Variants in DAB1 observed in about 807,000 individuals in gnomAD.
The protein encoded by DAB1 is disabled homolog 1.
A neutral mutation model predicts 64.6 loss-of-function variants in DAB1; 15 were observed. That is an observed-to-expected ratio of 0.23 (90% CI 0.16 to 0.36). The LOEUF is 0.36. Among genes scored for constraint, DAB1 ranks in the 10% least tolerant of loss-of-function variants. The pLI, the probability that DAB1 is intolerant of heterozygous loss-of-function variation, is 1.00. For synonymous variants in DAB1, 235 were observed against 251.9 expected (o/e 0.93, Z 0.64); for missense variants, 596 against 706.7 (o/e 0.84, Z 1.78).
chr1:58,182,982 G>A (rs1656879061), intron 4 of DAB1, among the ~76,000 whole-genome samples: 1 of 151,856 alleles, frequency 6.6e-6, no homozygotes, highest in Non-Finnish European at 1.5e-5. Context: ...TATTGTTGTT[G>A]TTTTGTTCAG....
At chr1:58,269,718 A>G in intron 4 of DAB1, among the ~76,000 whole-genome samples, 1 of 65,936 alleles carries the variant, frequency 1.5e-5, no homozygotes, top group Non-Finnish European at 3.2e-5. Flanking sequence ...TGCCATTCTA[A>G]CTGGTGTGAG....
At chr1:57,141,703 C>A (rs1330746568) in intron 3 of DAB1, among the ~76,000 whole-genome samples, 1 of 152,144 alleles carries the variant, frequency 6.6e-6, no homozygotes, top group Non-Finnish European at 1.5e-5. Flanking sequence ...CCTTTGGAGA[C>A]CTCATCCTTT....
At chr1:57,282,425 T>G (rs1671989143) in intron 2 of DAB1, among the ~76,000 whole-genome samples, 2 of 152,016 alleles carry the variant, frequency 1.3e-5, no homozygotes, top group African/African-American at 4.8e-5. Context: ...TGTCCTGTGG[T>G]GTATGCTGCC....
rs546408598 is a variant in DAB1, at chr1:58,199,905, G to C, written n.310-49317C>G. ...GGACCCAAGTTTCTTCCAGGTTATG[G>C]CACTGTCCTCCTCTAAGCCCTAGAA... On this transcript the variant is annotated intron_variant and non_coding_transcript_variant, in intron 4 of 20. Coordinates refer to the DAB1 transcript ENST00000485760. 7.2e-5 allele frequency among the ~76,000 whole-genome samples: 11 copies of C among 152,240 alleles called. No individual in the cohort carries two copies. In the East Asian group the frequency reaches 2.1e-3, roughly 29 times the overall value.
intron 1 of DAB1, among the ~76,000 whole-genome samples, chr1:57,314,106 G>T (rs1415448024): frequency 6.6e-6 from 1 of 152,156 alleles, no homozygotes; most frequent in Non-Finnish European, 1.5e-5. Flanking sequence ...ACAGGATTCT[G>T]CATCTTTTGG....
chr1:57,324,223 A>G (rs911944415), intron 1 of DAB1, among the ~76,000 whole-genome samples: 4 of 152,220 alleles, frequency 2.6e-5, no homozygotes, highest in African/African-American at 9.6e-5. Flanking sequence ...AAGTGAACCA[A>G]TCTAAACTTT....
chr1:58,355,906 C>G (rs1644106570), intron 3 of DAB1, among the ~76,000 whole-genome samples: 1 of 152,164 alleles, frequency 6.6e-6, no homozygotes, highest in South Asian at 2.1e-4. Flanking sequence ...AGACAGCACA[C>G]CTGAAAAAAG....
intron 3 of DAB1, among the ~76,000 whole-genome samples, chr1:58,407,070 T>C (rs1422902369): frequency 6.6e-6 from 1 of 152,214 alleles, no homozygotes; most frequent in Non-Finnish European, 1.5e-5. Context: ...AATCCATTCA[T>C]GCCTGTATGA....
At chr1:57,073,182 G>A (rs1402144165) in intron 4 of DAB1, among the ~76,000 whole-genome samples, 1 of 152,162 alleles carries the variant, frequency 6.6e-6, no homozygotes, top group African/African-American at 2.4e-5. Context: ...TAATGACACT[G>A]AACTGATGAA....
intron 5 of DAB1, among the ~76,000 whole-genome samples, chr1:58,075,708 A>C (rs1217907878): frequency 6.6e-6 from 1 of 152,182 alleles, no homozygotes; most frequent in Non-Finnish European, 1.5e-5. Context: ...CTGGGCTTCA[A>C]GAATGTACTA....
At chr1:58,024,323 A>G (rs1646857136) in intron 5 of DAB1, among the ~76,000 whole-genome samples, 1 of 152,150 alleles carries the variant, frequency 6.6e-6, no homozygotes, top group Non-Finnish European at 1.5e-5. Context: ...GGCCTGAGTC[A>G]TCTACACTGT....
intron 9 of DAB1, among the ~76,000 whole-genome samples, chr1:57,062,497 TG>T (rs1028690716): frequency 6.6e-6 from 1 of 152,082 alleles, no homozygotes; most frequent in Non-Finnish European, 1.5e-5. Context: ...AGTGAGAAAA[TG>T]GATATTGGAT....
chr1:57,487,852 G>A (rs534522753), intron 7 of DAB1, among the ~76,000 whole-genome samples: 19 of 152,224 alleles, frequency 1.2e-4, no homozygotes, highest in South Asian at 6.2e-4. Context: ...ACTTTTTAAC[G>A]CTGACTAATA....
intron 2 of DAB1, among the ~76,000 whole-genome samples, chr1:57,227,079 G>T (rs1030836262): frequency 2.0e-5 from 3 of 152,194 alleles, no homozygotes; most frequent in South Asian, 2.1e-4. Flanking sequence ...GGAGGCAAAG[G>T]GGGGAGGATC....
At chr1:57,148,855 C>T (rs1375664990) in intron 2 of DAB1, among the ~76,000 whole-genome samples, 2 of 152,192 alleles carry the variant, frequency 1.3e-5, no homozygotes, top group Non-Finnish European at 2.9e-5. Flanking sequence ...TGAGATACAA[C>T]TCACATACTG....
intron 14 of DAB1, among the ~76,000 whole-genome samples, chr1:57,007,044 C>T (rs990365881): frequency 1.3e-5 from 2 of 151,648 alleles, no homozygotes; most frequent in African/African-American, 4.9e-5. Context: ...CTCTCTCTTC[C>T]TCTCTCACTC....
intron 4 of DAB1, among the ~76,000 whole-genome samples, chr1:58,224,799 C>G (rs1659372460): frequency 6.6e-6 from 1 of 151,900 alleles, no homozygotes; most frequent in Admixed American, 6.6e-5. Context: ...ACACCTTACA[C>G]AAAAATTAAT....
chr1:57,862,783 A>G (rs1230790438), intron 1 of DAB1: 1 of 152,178 alleles, frequency 6.6e-6, no homozygotes, highest in Non-Finnish European at 1.5e-5. Flanking sequence ...CAGACTAACC[A>G]GGTGTTGGCA....
rs765434612 is a variant in DAB1 at position 57,062,981 on chromosome 1, TG to T, written c.664-39del. On this transcript the variant is annotated intron_variant, in intron 8 of 14. Coordinates refer to ENST00000371236, the MANE Select transcript of DAB1 (RefSeq NM_001365792.1). ...TAAATTCAGCACAGTCAAAACACTC[TG>T]GTACTCCAATTTCAAAGAACAAAGC... 4.4e-6 allele frequency: 7 copies of T among 1,575,764 alleles called. No homozygotes were observed. The South Asian group carries it at 5.6e-5, about 13-fold the overall frequency.
Sources: gnomAD v4.1 joint callset for allele counts (sites outside exome capture counted in the v4.1 genomes callset) on GRCh38, gnomAD v4.1.1 for gene constraint, MANE v1.5 for transcripts, NCBI Gene and HGNC (gene_info 2026-07-23, HGNC 2026-07-21) for gene names.